Variants in PARD6G observed in about 807,000 individuals in gnomAD.
PARD6G encodes par-6 family cell polarity regulator gamma, also known as partitioning defective 6 homolog gamma.
A neutral mutation model predicts 10.7 loss-of-function variants in PARD6G; 7 were observed. That is an observed-to-expected ratio of 0.66 (90% CI 0.37 to 1.23). The LOEUF (loss-of-function observed/expected upper bound fraction) is 1.23, where lower values mean the gene tolerates loss of function less well. Among genes scored for constraint, PARD6G ranks in the 50% most tolerant of loss-of-function variants. The pLI is 0.02. For missense variants in PARD6G, 548 were observed against 571.8 expected, an observed-to-expected ratio of 0.96 and a Z score of 0.42; for synonymous variants, 287 against 269.4, an observed-to-expected ratio of 1.07 and a Z score of -0.64.
rs754616764 is a variant in PARD6G at position 80,184,492 on chromosome 18, G to A, written c.295+18218C>T. On this transcript the variant is annotated intron_variant, in intron 2 of 2. Transcript: ENST00000353265. This position sits in a 1 kb window ranked among gnomAD's most constrained non-coding sequence, Gnocchi z 4.5. ...GTGAAACCTGCAGCGGGAGCAAGGCGGTGAAACCCGCAGAGGGAGCAAGGC... is the reference window on the plus strand; with the variant it reads ...GTGAAACCTGCAGCGGGAGCAAGGCAGTGAAACCCGCAGAGGGAGCAAGGC... 15 of 150,752 alleles carry A rather than the reference G, an allele frequency of 1.0e-4. No homozygotes were observed. The highest frequency in any genetic ancestry group is 1.9e-4 in the African/African-American group (8 of 41,028). The allele number at this position is 150,752 out of a possible 1,614,324, so 9.3% of individuals were successfully genotyped here.
chr18:80,178,738 A>G (rs2052830854), intron 2 of PARD6G, among the ~76,000 whole-genome samples: 1 of 152,192 alleles, frequency 6.6e-6, no homozygotes, highest in Non-Finnish European at 1.5e-5. Context: ...TCTTTACAGA[A>G]CACATGAGGC....
intron 2 of PARD6G, among the ~76,000 whole-genome samples, chr18:80,167,775 C>T (rs1016355500): frequency 2.0e-5 from 3 of 152,112 alleles, no homozygotes; most frequent in Non-Finnish European, 4.4e-5. Flanking sequence ...CAGCAGCAGG[C>T]ACACAGACCA....
At chr18:80,198,492 G>T (rs4799143) in intron 2 of PARD6G, among the ~76,000 whole-genome samples, 25,171 of 152,140 alleles carry the variant, frequency 0.17, 2,732 homozygotes, top group East Asian at 0.42. Flanking sequence ...AACTACCACA[G>T]GATATGAAAA....
chr18:80,200,423 G>C lies in PARD6G; in HGVS notation c.295+2287C>G, dbSNP rs1966997616. Among the ~76,000 whole-genome samples, 1 of 152,200 alleles carries C rather than the reference G, an allele frequency of 6.6e-6. No individual in the cohort carries two copies. Among genetic ancestry groups the C allele is most frequent in the African/African-American group, 2.4e-5 (1 of 41,444 alleles). On this transcript the variant is annotated intron_variant, in intron 2 of 2. Coordinates refer to ENST00000353265, the MANE Select transcript of PARD6G (RefSeq NM_032510.4). This position sits in a 1 kb window ranked among gnomAD's most constrained non-coding sequence, Gnocchi z 4.4. ...GCCAGTGAAGGGCTTGTCATCAGCA[G>C]ATGTCGCTGTTAAGCTCTGACAACA...
chr18:80,232,495 G>A (rs1967369555), intron 1 of PARD6G, among the ~76,000 whole-genome samples: 1 of 151,960 alleles, frequency 6.6e-6, no homozygotes, highest in Non-Finnish European at 1.5e-5. Context: ...CTTACATGGT[G>A]GCAGCAAGAA....
rs1046644325 is a variant in PARD6G at position 80,180,550 on chromosome 18, C to A, written c.296-19944G>T. On this transcript the variant is annotated intron_variant, in intron 2 of 2. Transcript: ENST00000353265. The surrounding 1 kb of genome is among the most constrained non-coding windows in gnomAD (Gnocchi z 5.6). The stretch of plus-strand genomic sequence containing the variant: ...TCCTTGCTCTCTGCCGGGCACACTG[C>A]GGCCTCTGGGTGTTTTCAGAACGGC... Among the ~76,000 whole-genome samples the A allele has an allele frequency of 6.6e-6, 1 of 152,256 alleles. No homozygotes were observed. The highest frequency in any genetic ancestry group is 2.1e-4 in the South Asian group (1 of 4,822).
At chr18:80,165,278 C>T (rs995729798) in intron 2 of PARD6G, among the ~76,000 whole-genome samples, 3 of 152,128 alleles carry the variant, frequency 2.0e-5, no homozygotes, top group African/African-American at 7.2e-5. Context: ...ATTAATATTC[C>T]TTGCTAAGAA....
intron 1 of PARD6G, among the ~76,000 whole-genome samples, chr18:80,205,808 G>T (rs1360760430): frequency 6.6e-6 from 1 of 152,150 alleles, no homozygotes; most frequent in African/African-American, 2.4e-5. Context: ...ATGTGAGAAT[G>T]GACTAATACA....
At chr18:80,197,421 GT>G (rs1966967962) in intron 2 of PARD6G, 1 of 152,200 alleles carries the variant, frequency 6.6e-6, no homozygotes, top group Non-Finnish European at 1.5e-5. Context: ...AAATCAAATA[GT>G]TTACAACTGT....
chr18:80,232,564 C>G (rs60673318), intron 1 of PARD6G, among the ~76,000 whole-genome samples: 43,415 of 151,982 alleles, frequency 0.29, 7,984 homozygotes, highest in Non-Finnish European at 0.43. Context: ...TCTCATGAGA[C>G]TTATTCACTA....
At chr18:80,237,995 G>A (rs1197609332) in intron 1 of PARD6G, among the ~76,000 whole-genome samples, 2 of 152,074 alleles carry the variant, frequency 1.3e-5, no homozygotes, top group Non-Finnish European at 2.9e-5. Context: ...TCCCATTACT[G>A]GGTATATACC....
chr18:80,228,520 G>A lies in PARD6G; in HGVS notation c.72+18757C>T, dbSNP rs1281688912. Among the ~76,000 whole-genome samples the A allele has an allele frequency of 7.0e-6, 1 of 142,560 alleles. No homozygotes were observed. The highest frequency in any genetic ancestry group is 1.5e-5 in the Non-Finnish European group (1 of 65,594). The allele number at this position is 142,560 out of a possible 152,430, so 93.5% of individuals were successfully genotyped here. On this transcript the variant is annotated intron_variant, in intron 1 of 2. Transcript: ENST00000353265. The surrounding 1 kb of genome is among the most constrained non-coding windows in gnomAD (Gnocchi z 4.6). ...GCCCACCCCAGGCTTGCCCCAAGGTGCGCAGACTGTCTCTCGTCTAAGGTC... is the reference window on the plus strand; with the variant it reads ...GCCCACCCCAGGCTTGCCCCAAGGTACGCAGACTGTCTCTCGTCTAAGGTC...
chr18:80,232,514 G>A (rs1488890526), intron 1 of PARD6G, among the ~76,000 whole-genome samples: 1 of 152,138 alleles, frequency 6.6e-6, no homozygotes, highest in Non-Finnish European at 1.5e-5. Flanking sequence ...AAAAAAATGA[G>A]GAAGATATGA....
chr18:80,202,485 T>C, intron 2 of PARD6G: 2 of 472,480 alleles, frequency 4.2e-6, no homozygotes, highest in Non-Finnish European at 7.7e-6. Context: ...TCAATATTAT[T>C]CTTTCTTCAG....
intron 1 of PARD6G, among the ~76,000 whole-genome samples, chr18:80,212,656 C>T (rs376643661): frequency 5.9e-5 from 9 of 152,042 alleles, no homozygotes; most frequent in East Asian, 3.9e-4. Flanking sequence ...GAGGCCAAGG[C>T]GGGCGGATGA....
In PARD6G at chr18:80,247,426, AGGCCCCGGCCCC is replaced by A. The variant is rs923717893; in HGVS notation, c.-90_-79del. The A allele has an allele frequency of 1.1e-5, 13 of 1,214,672 alleles. No homozygotes were observed. The African/African-American group carries it at 1.3e-4, about 12-fold the overall frequency. 75.2% of individuals were successfully genotyped at this position (1,214,672 alleles called of 1,614,324 possible). A position where few individuals can be genotyped will look rare whatever the true frequency, so the allele number is the denominator to read the frequency against. On this transcript the variant is annotated 5_prime_UTR_variant, in exon 1 of 3. Transcript: ENST00000353265. This position sits in a 1 kb window ranked among gnomAD's most constrained non-coding sequence, Gnocchi z 4.2. The stretch of plus-strand genomic sequence containing the variant: ...AAAGACTCCCGGGGGCGGCGCCCCC[AGGCCCCGGCCCC>A]GGCCCCGGCCCGCGCTCGCTTGGCC...
At chr18:80,186,493 C>A (rs1369046207) in intron 2 of PARD6G, among the ~76,000 whole-genome samples, 1 of 150,896 alleles carries the variant, frequency 6.6e-6, no homozygotes, top group African/African-American at 2.4e-5. Flanking sequence ...CATGCACCCT[C>A]ACACATGCTC....
rs748038778 is a variant in PARD6G at position 80,247,332 on chromosome 18, T to C, written c.17A>G (p.His6Arg). The change falls in exon 1 of 3, where the codon CAC becomes CGC. Residue 6 changes from histidine to arginine, a missense_variant. By Grantham distance (29) the His-to-Arg change is conservative. Transcript: ENST00000353265. This position sits in a 1 kb window ranked among gnomAD's most constrained non-coding sequence, Gnocchi z 4.2. MNRSF[H>R]KSQTLRFYDC... ...GTAGAATCGCAAGGTCTGAGACTTGTGAAAACTTCGGTTCATGGTTTCGGC... is the reference window on the plus strand; with the variant it reads ...GTAGAATCGCAAGGTCTGAGACTTGCGAAAACTTCGGTTCATGGTTTCGGC... 6.3e-7 allele frequency: 1 copy of C among 1,577,736 alleles called. No individual in the cohort carries two copies. Among genetic ancestry groups the C allele is most frequent in the East Asian group, 2.5e-5 (1 of 40,594 alleles).
intron 2 of PARD6G, among the ~76,000 whole-genome samples, chr18:80,172,118 T>C (rs2052781243): frequency 6.6e-6 from 1 of 152,222 alleles, no homozygotes; most frequent in Non-Finnish European, 1.5e-5. Context: ...GACTGTTTTC[T>C]ACAGCGGTTG....
Sources: gnomAD v4.1 joint callset for allele counts (sites outside exome capture counted in the v4.1 genomes callset) on GRCh38, gnomAD v4.1.1 for gene constraint, Gnocchi (gnomAD v3.1) non-coding constraint, MANE v1.5 for transcripts, NCBI Gene and HGNC (gene_info 2026-07-23, HGNC 2026-07-21) for gene names.